The following LMBR1 variants were observed in gnomAD, a reference collection of about 807,000 sequenced individuals.
The protein encoded by LMBR1 is limb region 1 protein homolog.
A neutral mutation model predicts 73.9 loss-of-function variants in LMBR1; 52 were observed. The observed-to-expected ratio is 0.70, with a 90% CI of 0.56 to 0.89. The LOEUF (loss-of-function observed/expected upper bound fraction) is 0.89, where lower values mean the gene tolerates loss of function less well. LMBR1 is among the 40% of genes least tolerant of loss of function. The pLI is 0.00. For missense variants in LMBR1, 539 were observed against 579.8 expected, an observed-to-expected ratio of 0.93 and a Z score of 0.72; for synonymous variants, 215 against 209.4, an observed-to-expected ratio of 1.03 and a Z score of -0.23.
chr7:156,749,205 A>G (rs1820391019), intron 9 of LMBR1, among the ~76,000 whole-genome samples: 1 of 152,238 alleles, frequency 6.6e-6, no homozygotes, highest in South Asian at 2.1e-4. Flanking sequence ...GCCAGAACCT[A>G]GAAGAATGCC....
intron 6 of LMBR1, among the ~76,000 whole-genome samples, chr7:156,763,395 G>GA (rs1417275309): frequency 6.7e-6 from 1 of 149,932 alleles, no homozygotes; most frequent in Non-Finnish European, 1.5e-5. Context: ...TCTGGAGGGA[G>GA]AAAAAATGTC....
intron 1 of LMBR1, among the ~76,000 whole-genome samples, chr7:156,873,029 C>T (rs949412368): frequency 5.4e-5 from 8 of 149,310 alleles, no homozygotes; most frequent in African/African-American, 1.5e-4. Flanking sequence ...CGCGTTGGCA[C>T]GTCTGGAGTC....
chr7:156,789,042 G>C (rs192757774), intron 5 of LMBR1, among the ~76,000 whole-genome samples: 1 of 152,130 alleles, frequency 6.6e-6, no homozygotes, highest in African/African-American at 2.4e-5. Context: ...GCAGGACTCT[G>C]TCTCTAAAAA....
intron 15 of LMBR1, among the ~76,000 whole-genome samples, chr7:156,694,616 A>C (rs1807895299): frequency 6.6e-6 from 1 of 152,242 alleles, no homozygotes; most frequent in South Asian, 2.1e-4. Context: ...CCAAATAGGC[A>C]GAGAAAAAGT....
At chr7:156,866,065 C>CAAAAAAAAA (rs74275049) in intron 1 of LMBR1, among the ~76,000 whole-genome samples, 2 of 96,348 alleles carry the variant, frequency 2.1e-5, no homozygotes. Flanking sequence ...TCTCAAAAGA[C>CAAAAAAAAA]AAAAAAAAAA....
intron 2 of LMBR1, among the ~76,000 whole-genome samples, chr7:156,836,238 T>A (rs892092057): frequency 1.3e-5 from 2 of 152,164 alleles, no homozygotes; most frequent in Non-Finnish European, 1.5e-5. Flanking sequence ...CAGCTGAGAT[T>A]TAACAAAAAA....
intron 1 of LMBR1, among the ~76,000 whole-genome samples, chr7:156,869,269 A>T (rs1257887541): frequency 2.0e-5 from 3 of 152,260 alleles, no homozygotes; most frequent in East Asian, 1.9e-4. Flanking sequence ...AAACCCTAAG[A>T]TCATCAAGAA....
rs148658727 is a variant in LMBR1, at chr7:156,681,152, C to G, written c.*2926G>C. The G allele has an allele frequency of 1.7e-3, 748 of 452,244 alleles. 2 individuals carry two copies. The highest frequency in any genetic ancestry group is 2.4e-3 in the Non-Finnish European group (539 of 225,558). 28.0% of individuals were successfully genotyped at this position (452,244 alleles called of 1,614,324 possible). A position where few individuals can be genotyped will look rare whatever the true frequency, so the allele number is the denominator to read the frequency against. ...TAACGTGCTACCAACAAAACTAGCA[C>G]ATAAGAGCCTGTAAATGATGAAAAC... On this transcript the variant is annotated 3_prime_UTR_variant, in exon 17 of 17. Transcript: ENST00000353442.
At chr7:156,707,319 T>A (rs1207022644) in intron 15 of LMBR1, among the ~76,000 whole-genome samples, 1 of 152,096 alleles carries the variant, frequency 6.6e-6, no homozygotes, top group African/African-American at 2.4e-5. Context: ...AAAGAAGAAC[T>A]AATACCAATC....
intron 3 of LMBR1, 83 bp from the exon 4 acceptor site, chr7:156,826,827 A>C (rs1835788176): frequency 7.8e-7 from 1 of 1,282,148 alleles, no homozygotes; most frequent in Admixed American, 2.5e-5. Context: ...CAAACTCTTT[A>C]ATGTTTTAAT....
Position 156,683,982 on chromosome 7 carries a change from G to A in LMBR1, c.*96C>T, listed in dbSNP as rs1027399717. 2 of 992,626 alleles carry A rather than the reference G, an allele frequency of 2.0e-6. No individual in the cohort carries two copies. The highest frequency in any genetic ancestry group is 1.6e-5 in the African/African-American group (1 of 61,524). The allele number at this position is 992,626 out of a possible 1,614,324, so 61.5% of individuals were successfully genotyped here. ...TGATAGGTCTAGGTTCTGAAGAGGG[G>A]CCACGGTTGAATGGAAATGCTTCTA... On this transcript the variant is annotated 3_prime_UTR_variant, in exon 17 of 17. Transcript: ENST00000353442.
intron 10 of LMBR1, among the ~76,000 whole-genome samples, chr7:156,730,287 T>A (rs966041156): frequency 6.6e-6 from 1 of 152,222 alleles, no homozygotes; most frequent in Non-Finnish European, 1.5e-5. Flanking sequence ...GATGCAACTA[T>A]GAGGCTGAGA....
At chr7:156,693,212 A>ATT (rs1191037576) in intron 15 of LMBR1, among the ~76,000 whole-genome samples, 3 of 152,182 alleles carry the variant, frequency 2.0e-5, no homozygotes, top group African/African-American at 7.2e-5. Flanking sequence ...TCTTTCAAAT[A>ATT]TGATGAAAAT....
chr7:156,776,767 C>A (rs1429889484), intron 5 of LMBR1, among the ~76,000 whole-genome samples: 1 of 152,086 alleles, frequency 6.6e-6, no homozygotes, highest in African/African-American at 2.4e-5. Context: ...AGGCCAGCTT[C>A]AACAATCCCC....
intron 15 of LMBR1, among the ~76,000 whole-genome samples, chr7:156,690,024 AGAAAAACCCAG>A (rs1372556307): frequency 6.6e-6 from 1 of 152,192 alleles, no homozygotes; most frequent in East Asian, 1.9e-4. Context: ...TCTTCTCACA[AGAAAAACCCAG>A]ACACAGACAC....
intron 1 of LMBR1, among the ~76,000 whole-genome samples, chr7:156,879,434 G>A (rs147272716): frequency 2.0e-3 from 302 of 152,284 alleles, no homozygotes; most frequent in Non-Finnish European, 3.3e-3. Flanking sequence ...GGAGGCCGAG[G>A]CGAGCAGATC....
At chr7:156,762,648 C>CAA (rs1189881768) in intron 7 of LMBR1, among the ~76,000 whole-genome samples, 1 of 152,112 alleles carries the variant, frequency 6.6e-6, no homozygotes, top group Non-Finnish European at 1.5e-5. Flanking sequence ...TGTGATGCTT[C>CAA]AAGTAAAACA....
At chr7:156,828,650 G>A (rs1427179376) in intron 3 of LMBR1, among the ~76,000 whole-genome samples, 1 of 152,118 alleles carries the variant, frequency 6.6e-6, no homozygotes, top group East Asian at 1.9e-4. Context: ...GTCTTTGCAA[G>A]GTGATGATAA....
chr7:156,880,962 A>AT (rs1022982957), intron 1 of LMBR1, among the ~76,000 whole-genome samples: 248 of 151,706 alleles, frequency 1.6e-3, no homozygotes, highest in African/African-American at 5.3e-3. Flanking sequence ...CCCCAGTGGC[A>AT]TTTTTTTTTA....
Sources: gnomAD v4.1 joint callset for allele counts (sites outside exome capture counted in the v4.1 genomes callset) on GRCh38, gnomAD v4.1.1 for gene constraint, MANE v1.5 for transcripts, NCBI Gene and HGNC (gene_info 2026-07-23, HGNC 2026-07-21) for gene names.